SEC24A: variants seen among roughly 807,000 people sequenced by gnomAD.
SEC24A encodes the protein protein transport protein Sec24A.
Under a neutral mutation model 129.4 loss-of-function variants are expected in SEC24A, and 93 were observed. That is an observed-to-expected ratio of 0.72 (90% confidence interval 0.61 to 0.85). SEC24A has a LOEUF of 0.85. Ranked by LOEUF, SEC24A falls within the 40% of genes least tolerant of loss-of-function variation. The pLI, the probability that SEC24A is intolerant of heterozygous loss-of-function variation, is 0.00. For missense variants in SEC24A, 1,264 were observed against 1,307.4 expected (o/e 0.97, Z 0.51); for synonymous variants, 460 against 467.3 (o/e 0.98, Z 0.20).
At position 134,667,004 on chromosome 5, in the gene SEC24A, A is replaced by G. The variant is rs770984537; in HGVS notation, c.739+8A>G. ...CAGCTGTCAACCAAGAAGGTAAGTG[A>G]ACCAAGAAACAAAGTCAAATCCTCA... On this transcript the variant is annotated splice_region_variant and intron_variant, in intron 3 of 22. Transcript: ENST00000398844. The G allele has an allele frequency of 1.3e-6, 2 of 1,536,950 alleles. No homozygotes were observed. The highest frequency in any genetic ancestry group is 2.5e-5 in the South Asian group (2 of 80,902).
intron 1 of SEC24A, among the ~76,000 whole-genome samples, chr5:134,657,268 C>T (rs1038140751): frequency 3.3e-5 from 5 of 151,562 alleles, no homozygotes; most frequent in African/African-American, 1.2e-4. Flanking sequence ...AGGCTGGTCT[C>T]AAACTCCTGG....
At position 134,661,116 on chromosome 5, in the gene SEC24A, A is replaced by C. The variant is rs1484826166; in HGVS notation, c.98-3A>C. 1.9e-6 allele frequency: 3 copies of C among 1,569,016 alleles called. No homozygotes were observed. In the Admixed American group the frequency reaches 5.8e-5, roughly 30 times the overall value. On this transcript the variant is annotated splice_polypyrimidine_tract_variant and splice_region_variant and intron_variant, in intron 1 of 22. Coordinates refer to ENST00000398844, the MANE Select transcript of SEC24A (RefSeq NM_021982.3). Reference sequence around the variant, plus strand: ...GACTAATTTTTCCTCCTTTTATTGGAAGGTCCTGTCCAAAATGCATTGCTG... The same window carrying C: ...GACTAATTTTTCCTCCTTTTATTGGCAGGTCCTGTCCAAAATGCATTGCTG...
At chr5:134,680,965 G>T (rs1415564506) in intron 8 of SEC24A, among the ~76,000 whole-genome samples, 1 of 151,924 alleles carries the variant, frequency 6.6e-6, no homozygotes, top group Non-Finnish European at 1.5e-5. Context: ...CGGGTGTGGT[G>T]GCGGGCACCT....
At chr5:134,675,268 T>C in intron 6 of SEC24A, 51 bp downstream of exon 6, 2 of 1,401,666 alleles carry the variant, frequency 1.4e-6, no homozygotes, top group Non-Finnish European at 2.0e-6. Context: ...TTCTAGCTTT[T>C]TGCAGGGGGC....
chr5:134,679,465 T>C (rs957978992), intron 7 of SEC24A, 137 bp from the exon 8 acceptor site: 2 of 491,548 alleles, frequency 4.1e-6, no homozygotes, highest in African/African-American at 3.9e-5. Context: ...TATGGCAGTT[T>C]AGATACATCT....
At chr5:134,697,013 C>A in intron 13 of SEC24A, 113 bp from the exon 14 acceptor site, 2 of 582,032 alleles carry the variant, frequency 3.4e-6, no homozygotes, top group Non-Finnish European at 5.7e-6. Context: ...TTGTAGAATG[C>A]CCAGAAATAA....
intron 9 of SEC24A, among the ~76,000 whole-genome samples, chr5:134,683,300 T>C (rs1400878709): frequency 6.6e-6 from 1 of 152,236 alleles, no homozygotes; most frequent in East Asian, 1.9e-4. Context: ...ATTACAGGCA[T>C]GAGCCACCGT....
chr5:134,717,708 G>A (rs1464663650), intron 19 of SEC24A, among the ~76,000 whole-genome samples: 3 of 152,056 alleles, frequency 2.0e-5, no homozygotes, highest in African/African-American at 7.2e-5. Context: ...CTGAGGTTGG[G>A]AGTTCGTGAC....
At chr5:134,681,202 A>G (rs926722088) in intron 8 of SEC24A, among the ~76,000 whole-genome samples, 3 of 150,976 alleles carry the variant, frequency 2.0e-5, no homozygotes, top group African/African-American at 7.3e-5. Context: ...GTTTGAGACC[A>G]GCCTGGCCAA....
chr5:134,700,688 T>C (rs1293304236), intron 15 of SEC24A, among the ~76,000 whole-genome samples: 3 of 151,614 alleles, frequency 2.0e-5, no homozygotes, highest in Non-Finnish European at 4.4e-5. Flanking sequence ...ATTTATTAAT[T>C]CTAATAGTTT....
intron 15 of SEC24A, among the ~76,000 whole-genome samples, chr5:134,702,940 T>A (rs557239671): frequency 2.0e-5 from 3 of 152,016 alleles, no homozygotes; most frequent in African/African-American, 7.2e-5. Flanking sequence ...AATTTTTGTA[T>A]TTTTAGTAGA....
chr5:134,662,194 G>A (rs1580683977), intron 2 of SEC24A, among the ~76,000 whole-genome samples: 2 of 150,236 alleles, frequency 1.3e-5, no homozygotes, highest in East Asian at 2.0e-4. Flanking sequence ...TCTCTCTGTC[G>A]CCCAGGCTGG....
At chr5:134,690,074 A>G (rs1299381718) in intron 11 of SEC24A, among the ~76,000 whole-genome samples, 8 of 152,166 alleles carry the variant, frequency 5.3e-5, no homozygotes. Flanking sequence ...GCTGGAGCGC[A>G]ATGGCGCCAT....
At chr5:134,696,921 C>T (rs1751845234) in intron 13 of SEC24A, among the ~76,000 whole-genome samples, 1 of 152,024 alleles carries the variant, frequency 6.6e-6, no homozygotes, top group Admixed American at 6.6e-5. Flanking sequence ...AGCCACCACA[C>T]CTGGCTGGAA....
At chr5:134,682,787 G>A (rs1470457847) in intron 9 of SEC24A, among the ~76,000 whole-genome samples, 1 of 152,002 alleles carries the variant, frequency 6.6e-6, no homozygotes, top group Non-Finnish European at 1.5e-5. Flanking sequence ...GGCTGGTCTC[G>A]AATTCCTGGG....
chr5:134,694,168 T>G (rs1030292196), intron 13 of SEC24A, among the ~76,000 whole-genome samples: 5 of 152,296 alleles, frequency 3.3e-5, no homozygotes, highest in Admixed American at 3.3e-4. Flanking sequence ...TTCAGAGAGA[T>G]AGTCTGGGAG....
intron 1 of SEC24A, among the ~76,000 whole-genome samples, chr5:134,650,330 A>T (rs1294829961): frequency 6.6e-6 from 1 of 152,200 alleles, no homozygotes; most frequent in Non-Finnish European, 1.5e-5. Context: ...AAAATGTTAC[A>T]TGGCTATGGA....
At chr5:134,720,960 T>C (rs1752611037) in intron 20 of SEC24A, 38 bp from the exon 21 acceptor site, 1 of 1,117,642 alleles carries the variant, frequency 8.9e-7, no homozygotes. Context: ...CACCTTTATG[T>C]ATGCTGCATC....
intron 7 of SEC24A, among the ~76,000 whole-genome samples, chr5:134,679,067 A>G (rs891617164): frequency 2.0e-5 from 3 of 151,824 alleles, no homozygotes; most frequent in African/African-American, 7.3e-5. Context: ...GAGGAAAAAA[A>G]TGGTTTTTAC....
Sources: gnomAD v4.1 joint callset for allele counts (sites outside exome capture counted in the v4.1 genomes callset) on GRCh38, gnomAD v4.1.1 for gene constraint, MANE v1.5 for transcripts, NCBI Gene and HGNC (gene_info 2026-07-23, HGNC 2026-07-21) for gene names.